Variants in PRKG1 observed in about 807,000 individuals in gnomAD.
PRKG1 encodes the protein cGMP-dependent protein kinase 1.
PRKG1 carries 35 observed loss-of-function variants against 88.1 expected under a neutral mutation model. The observed-to-expected ratio is 0.40, with a 90% CI of 0.30 to 0.53. The LOEUF is 0.53. Ranked by LOEUF, PRKG1 falls within the 20% of genes least tolerant of loss-of-function variation. PRKG1 has a pLI of 0.59. For missense variants in PRKG1, 540 were observed against 839.8 expected (o/e 0.64, Z 4.41); for synonymous variants, 303 against 292.5 (o/e 1.04, Z -0.37).
chr10:51,082,297 A>G (rs770680462), intron 1 of PRKG1, among the ~76,000 whole-genome samples: 15 of 152,194 alleles, frequency 9.9e-5, no homozygotes, highest in Admixed American at 2.0e-4. Flanking sequence ...TGAATAACAT[A>G]TAGGTCATTC....
At chr10:51,399,166 A>T (rs1381851389) in intron 2 of PRKG1, among the ~76,000 whole-genome samples, 1 of 151,840 alleles carries the variant, frequency 6.6e-6, no homozygotes, top group Admixed American at 6.6e-5. Context: ...ATAAAGATAT[A>T]AGATGTGTTA....
At position 51,785,506 on chromosome 10, in the gene PRKG1, C is replaced by T. The variant is rs150327493; in HGVS notation, c.593-19079C>T. Among the ~76,000 whole-genome samples the T allele has an allele frequency of 4.9e-3, 747 of 152,154 alleles. 24 individuals carry two copies. The highest frequency in any genetic ancestry group is 0.045 in the Admixed American group (680 of 15,240). On this transcript the variant is annotated intron_variant, in intron 3 of 17. Coordinates refer to ENST00000373980, the MANE Select transcript of PRKG1 (RefSeq NM_006258.4). ...ACATATTCCTGGCTTTCTACTTGAA[C>T]GCAACTTGTAACAACTTAATGTCTA...
At chr10:51,463,954 GTCTT>G (rs1458666665) in intron 2 of PRKG1, among the ~76,000 whole-genome samples, 1 of 152,146 alleles carries the variant, frequency 6.6e-6, no homozygotes, top group Non-Finnish European at 1.5e-5. Context: ...TATCATTTAT[GTCTT>G]TCTGTTTACT....
At chr10:52,034,612 A>G (rs550929737) in intron 5 of PRKG1, among the ~76,000 whole-genome samples, 2 of 151,616 alleles carry the variant, frequency 1.3e-5, no homozygotes, top group South Asian at 2.1e-4. Flanking sequence ...TTATTTATTT[A>G]CTTCAAGAGT....
At chr10:51,452,047 C>A (rs565073591) in intron 2 of PRKG1, among the ~76,000 whole-genome samples, 4 of 151,838 alleles carry the variant, frequency 2.6e-5, no homozygotes, top group Non-Finnish European at 4.4e-5. Context: ...TTTTTAACAA[C>A]TTTATTGAGA....
At chr10:51,401,265 A>G (rs913691358) in intron 2 of PRKG1, among the ~76,000 whole-genome samples, 2 of 152,212 alleles carry the variant, frequency 1.3e-5, no homozygotes, top group African/African-American at 2.4e-5. Flanking sequence ...TATAGCACAC[A>G]TGGACTCTCA....
chr10:52,008,611 C>T (rs1844800955), intron 5 of PRKG1, among the ~76,000 whole-genome samples: 1 of 152,018 alleles, frequency 6.6e-6, no homozygotes, highest in African/African-American at 2.4e-5. Flanking sequence ...ATAACAAGTT[C>T]CAAAGTTGAA....
intron 7 of PRKG1, among the ~76,000 whole-genome samples, chr10:52,127,563 A>G (rs934481050): frequency 1.2e-4 from 18 of 152,148 alleles, no homozygotes; most frequent in African/African-American, 4.1e-4. Flanking sequence ...GTGGTGTCAG[A>G]AAATAATTGG....
intron 3 of PRKG1, among the ~76,000 whole-genome samples, chr10:51,558,060 T>A (rs17614611): frequency 2.3e-3 from 351 of 152,222 alleles, no homozygotes; most frequent in Non-Finnish European, 2.9e-3. Flanking sequence ...GTAGGCCTAT[T>A]TGGAATAACT....
chr10:51,239,831 A>G (rs1368400610), intron 2 of PRKG1, among the ~76,000 whole-genome samples: 1 of 152,194 alleles, frequency 6.6e-6, no homozygotes, highest in African/African-American at 2.4e-5. Flanking sequence ...TTTTACATGT[A>G]GGAGACTCAG....
intron 2 of PRKG1, among the ~76,000 whole-genome samples, chr10:51,304,423 A>G (rs1201387223): frequency 6.6e-6 from 1 of 152,166 alleles, no homozygotes; most frequent in Admixed American, 6.5e-5. Context: ...TATTTTAATC[A>G]TATACTAGGG....
intron 1 of PRKG1, among the ~76,000 whole-genome samples, chr10:51,122,321 A>G (rs1446430111): frequency 6.6e-6 from 1 of 152,230 alleles, no homozygotes; most frequent in Non-Finnish European, 1.5e-5. Context: ...CAGTAGTGAG[A>G]CATCCGTCTT....
At chr10:51,812,254 T>C (rs1286360704) in intron 4 of PRKG1, among the ~76,000 whole-genome samples, 1 of 152,216 alleles carries the variant, frequency 6.6e-6, no homozygotes, top group East Asian at 1.9e-4. Context: ...TGCATCCTGC[T>C]GGTTGTGGAA....
At chr10:51,026,568 A>T (rs1589113076) in intron 1 of PRKG1, among the ~76,000 whole-genome samples, 1 of 152,188 alleles carries the variant, frequency 6.6e-6, no homozygotes, top group Non-Finnish European at 1.5e-5. Flanking sequence ...TAAGTGCACC[A>T]AGTGAGCACT....
At chr10:52,075,898 C>A (rs1454178324) in intron 7 of PRKG1, among the ~76,000 whole-genome samples, 1 of 152,116 alleles carries the variant, frequency 6.6e-6, no homozygotes, top group Non-Finnish European at 1.5e-5. Flanking sequence ...ACTTTCATGA[C>A]CTCATCTAAA....
chr10:52,129,756 A>G (rs1205364037), intron 7 of PRKG1, among the ~76,000 whole-genome samples: 1 of 152,204 alleles, frequency 6.6e-6, no homozygotes, highest in Non-Finnish European at 1.5e-5. Flanking sequence ...TGACCCTTTC[A>G]TATTAGTTTT....
At position 51,911,041 on chromosome 10, in the gene PRKG1, T is replaced by TA. The variant is rs1009398301; in HGVS notation, c.762+3472dup. ...TATTGAAGTCAGCTTTGCTGTGACT[T>TA]ACTGGTCTCCTTCATCTATGTGAAC... On this transcript the variant is annotated intron_variant, in intron 5 of 17. Transcript: ENST00000373980. The TA allele has an allele frequency of 3.2e-4, 48 of 152,340 alleles. 1 individual carries two copies. The highest frequency in any genetic ancestry group is 1.0e-3 in the African/African-American group (42 of 41,588). 9.4% of individuals were successfully genotyped at this position (152,340 alleles called of 1,614,324 possible). A position where few individuals can be genotyped will look rare whatever the true frequency, so the allele number is the denominator to read the frequency against.
intron 2 of PRKG1, among the ~76,000 whole-genome samples, chr10:51,360,815 AG>A (rs746896955): frequency 3.9e-5 from 6 of 151,904 alleles, no homozygotes; most frequent in African/African-American, 7.2e-5. Flanking sequence ...GTTTTAGAGC[AG>A]GCAACACATT....
intron 1 of PRKG1, among the ~76,000 whole-genome samples, chr10:51,136,879 A>T (rs1845696627): frequency 6.6e-6 from 1 of 152,088 alleles, no homozygotes; most frequent in South Asian, 2.1e-4. Context: ...ATACTTGAAT[A>T]TGCCACATTT....
Sources: allele counts gnomAD v4.1 joint callset (sites outside exome capture counted in the v4.1 genomes callset), GRCh38; gene constraint gnomAD v4.1.1; transcripts MANE v1.5; gene names NCBI Gene and HGNC (gene_info 2026-07-23, HGNC 2026-07-21).